FAT1: variants seen among roughly 807,000 people sequenced by gnomAD.
FAT1 encodes the protein protocadherin Fat 1.
FAT1 carries 171 observed loss-of-function variants against 329.8 expected under a neutral mutation model. The ratio of observed to expected loss-of-function variants is 0.52; its 90% CI spans 0.46 to 0.59. The LOEUF (loss-of-function observed/expected upper bound fraction) is 0.59. Among genes scored for constraint, FAT1 ranks in the 20% least tolerant of loss-of-function variants. The probability of loss-of-function intolerance (pLI) is 0.00; values close to 1 mark genes in which losing one functional copy is unlikely to be tolerated. For synonymous variants in FAT1, 2,233 were observed against 2,228.6 expected (o/e 1.00, Z -0.06); for missense variants, 5,672 against 5,774.4 (o/e 0.98, Z 0.57).
At chr4:186,712,388 G>A (rs1745002193) in intron 1 of FAT1, among the ~76,000 whole-genome samples, 1 of 151,788 alleles carries the variant, frequency 6.6e-6, no homozygotes. Flanking sequence ...AGTATGTGTT[G>A]TCTTTATCAT....
At position 186,620,507 on chromosome 4, in the gene FAT1, G is replaced by A. The variant is rs199867416; in HGVS notation, c.6079C>T (p.Arg2027Cys). 191 of 1,613,834 alleles carry A rather than the reference G, an allele frequency of 1.2e-4. 1 individual carries two copies. Among genetic ancestry groups the A allele is most frequent in the African/African-American group, 1.6e-4 (12 of 74,894 alleles). ...GTGGTTGACAGAACTCCTGAAGTGC[G>A]GCTTATTTTAAATCTGCGATCTGGG... ...LNPDRRFKIS[R>C]TSGVLSTTGT... The change falls in exon 10 of 27, where the codon CGC becomes TGC. Residue 2027 changes from arginine (R) to cysteine (C), a missense_variant. Arg to Cys is a radical substitution (Grantham distance 180). Transcript: ENST00000441802.
Position 186,604,519 on chromosome 4 carries a change from G to T in FAT1, c.10406C>A (p.Ser3469Tyr). 6.2e-7 allele frequency: 1 copy of T among 1,613,672 alleles called. No homozygotes were observed. The highest frequency in any genetic ancestry group is 8.5e-7 in the Non-Finnish European group (1 of 1,179,666). The change falls in exon 18 of 27, where the codon TCT becomes TAT. Residue 3469 changes from serine to tyrosine, a missense_variant. This residue lies in a region of FAT1 where 1,706 missense variants were observed against 1,859.1 expected (regional missense o/e 0.92). Coordinates refer to ENST00000441802, the MANE Select transcript of FAT1 (RefSeq NM_005245.4). Reference sequence around the variant, plus strand: ...GAAGAAGGGTGGACCGTTATGGGAAGAATCCTCATCTGTTACTACCAGCTG... The same window carrying T: ...GAAGAAGGGTGGACCGTTATGGGAATAATCCTCATCTGTTACTACCAGCTG... ...VLQLVVTDED[S>Y]SHNGPPFFFT...
At chr4:186,657,554 C>A (rs1209025227) in intron 3 of FAT1, among the ~76,000 whole-genome samples, 1 of 152,036 alleles carries the variant, frequency 6.6e-6, no homozygotes, top group African/African-American at 2.4e-5. Flanking sequence ...GTGGTCACTG[C>A]CTGATAGTGG....
At chr4:186,591,928 A>G (rs1738258874) in intron 26 of FAT1, among the ~76,000 whole-genome samples, 2 of 152,074 alleles carry the variant, frequency 1.3e-5, no homozygotes, top group Non-Finnish European at 1.5e-5. Flanking sequence ...CTCGAGTGGG[A>G]TCTCTAGACC....
At chr4:186,638,500 G>A (rs939728089) in intron 4 of FAT1, among the ~76,000 whole-genome samples, 4 of 151,956 alleles carry the variant, frequency 2.6e-5, no homozygotes, top group African/African-American at 7.3e-5. Flanking sequence ...GAATTCAAGC[G>A]AACTTTACAC....
intron 2 of FAT1, among the ~76,000 whole-genome samples, chr4:186,667,129 A>G (rs966780536): frequency 1.3e-5 from 2 of 152,160 alleles, no homozygotes; most frequent in Non-Finnish European, 2.9e-5. Flanking sequence ...GAAGTATATC[A>G]CCCTCACATC....
chr4:186,598,517 T>C (rs1314317958), intron 22 of FAT1: 1 of 156,958 alleles, frequency 6.4e-6, no homozygotes, highest in African/African-American at 2.4e-5. Context: ...CTTTGAAGAC[T>C]ATAAATTACC....
intron 2 of FAT1, among the ~76,000 whole-genome samples, chr4:186,671,325 G>C (rs1007208091): frequency 2.6e-5 from 4 of 152,158 alleles, no homozygotes; most frequent in African/African-American, 9.6e-5. Context: ...AATATTACTT[G>C]TTTTGCCTAT....
Position 186,618,212 on chromosome 4 carries a change from A to C in FAT1, c.8374T>G (p.Ser2792Ala), listed in dbSNP as rs370261764. 3 of 1,613,910 alleles carry C rather than the reference A, an allele frequency of 1.9e-6. No homozygotes were observed. The African/African-American group carries it at 4.0e-5, about 22-fold the overall frequency. Reference protein sequence around the residue: ...CTQDDHEMVASVDVSIQVKDA... With the variant: ...CTQDDHEMVAAVDVSIQVKDA... The stretch of plus-strand genomic sequence containing the variant: ...TTCACTTGGATACTAACATCTACAG[A>C]AGCCACCATCTCATGGTCATCTTGA... Residue 2792 changes from serine (S) to alanine (A), a missense_variant, in exon 10 of 27, where the codon TCT becomes GCT. Physicochemically the swap from Ser to Ala is moderately conservative, Grantham distance 99 (BLOSUM62 1). Around this residue, in one of 2 missense-constraint regions of FAT1, gnomAD observed 3,966 missense variants for 3,915.2 expected, o/e 1.01. Transcript: ENST00000441802.
Position 186,596,251 on chromosome 4 carries a change from TAA to T in FAT1, c.13000+287_13000+288del, listed in dbSNP as rs1319825573. 6.6e-6 allele frequency among the ~76,000 whole-genome samples: 1 copy of T among 152,156 alleles called. No individual in the cohort carries two copies. The highest frequency in any genetic ancestry group is 2.4e-5 in the African/African-American group (1 of 41,432). Reference sequence around the variant, plus strand: ...CCCGATTATTTTTTTGACATATTAATAAACTCAAAAAATTATAGATGAGAACC... The same window carrying T: ...CCCGATTATTTTTTTGACATATTAATACTCAAAAAATTATAGATGAGAACC... On this transcript the variant is annotated intron_variant, in intron 25 of 26. Coordinates refer to ENST00000441802, the MANE Select transcript of FAT1 (RefSeq NM_005245.4). The surrounding 1 kb of genome is among the most constrained non-coding windows in gnomAD (Gnocchi z 4.7).
chr4:186,706,477 T>G (rs1461343804), intron 2 of FAT1, 86 bp downstream of exon 2: 1 of 1,419,754 alleles, frequency 7.0e-7, no homozygotes, highest in Non-Finnish European at 9.5e-7. Flanking sequence ...ACAGGGAATT[T>G]TGAAGAAGCT....
chr4:186,687,385 AAAAC>A (rs1388140674), intron 2 of FAT1, among the ~76,000 whole-genome samples: 1 of 151,784 alleles, frequency 6.6e-6, no homozygotes, highest in Non-Finnish European at 1.5e-5. Flanking sequence ...AGTTCTCATA[AAAAC>A]AAACAAACAA....
chr4:186,670,218 C>A (rs1742668622), intron 2 of FAT1, among the ~76,000 whole-genome samples: 1 of 152,176 alleles, frequency 6.6e-6, no homozygotes, highest in Non-Finnish European at 1.5e-5. Context: ...AACAACCCAG[C>A]AACACAAATT....
intron 4 of FAT1, among the ~76,000 whole-genome samples, chr4:186,637,800 G>T (rs1474719881): frequency 6.6e-6 from 1 of 152,198 alleles, no homozygotes; most frequent in Non-Finnish European, 1.5e-5. Context: ...CGGTCAAGGA[G>T]ACTGAAGTCT....
chr4:186,662,649 C>T (rs540814415), intron 3 of FAT1, among the ~76,000 whole-genome samples: 4 of 152,214 alleles, frequency 2.6e-5, no homozygotes, highest in African/African-American at 9.6e-5. Flanking sequence ...TACAAAAAGC[C>T]GACTTAGGAC....
At chr4:186,610,089 A>G (rs1327750489) in intron 14 of FAT1, 74 bp from the exon 15 acceptor site, 26 of 864,188 alleles carry the variant, frequency 3.0e-5, no homozygotes, top group Non-Finnish European at 4.3e-5. Context: ...GAAATAGATG[A>G]ATGCTTTTGA....
In FAT1 at chr4:186,708,531, G is replaced by T. The variant is rs2126697203; in HGVS notation, c.1297C>A (p.His433Asn). Reference sequence around the variant, plus strand: ...CTTGTTGTTACTTCAAGTTCAAAATGGGCTGCCTGCTGTCTTTTAACTGGT... The same window carrying T: ...CTTGTTGTTACTTCAAGTTCAAAATTGGCTGCCTGCTGTCTTTTAACTGGT... ...LEPVKRQQAA[H>N]FELEVTTSDR... Residue 433 changes from histidine to asparagine, a missense_variant, in exon 2 of 27, where the codon CAT becomes AAT. His to Asn is a moderately conservative substitution (Grantham distance 68, BLOSUM62 1). This residue lies in a region of FAT1 where 3,966 missense variants were observed against 3,915.2 expected (regional missense o/e 1.01). Coordinates refer to ENST00000441802, the MANE Select transcript of FAT1 (RefSeq NM_005245.4). 1 of 1,613,942 alleles carries T rather than the reference G, an allele frequency of 6.2e-7. No individual in the cohort carries two copies. The highest frequency in any genetic ancestry group is 1.3e-5 in the African/African-American group (1 of 75,048).
intron 3 of FAT1, among the ~76,000 whole-genome samples, chr4:186,655,962 C>T (rs991128191): frequency 6.6e-6 from 1 of 152,234 alleles, no homozygotes; most frequent in Non-Finnish European, 1.5e-5. Context: ...CCTGAAAGTA[C>T]CTGCAAAGGC....
chr4:186,616,207 C>A (rs1269894037), intron 11 of FAT1, among the ~76,000 whole-genome samples: 3 of 152,174 alleles, frequency 2.0e-5, no homozygotes, highest in African/African-American at 7.2e-5. Flanking sequence ...CTCATGTCAT[C>A]TCTACCTTAC....
Sources: gnomAD v4.1 joint callset for allele counts (sites outside exome capture counted in the v4.1 genomes callset) on GRCh38, gnomAD v4.1.1 for gene constraint, gnomAD v4.1.1 regional missense constraint, Gnocchi (gnomAD v3.1) non-coding constraint, MANE v1.5 for transcripts, NCBI Gene and HGNC (gene_info 2026-07-23, HGNC 2026-07-21) for gene names.